The following DIAPH2 variants were observed in gnomAD, a reference collection of about 807,000 sequenced individuals.
DIAPH2 encodes the protein diaphanous related formin 2, also known as protein diaphanous homolog 2.
Under a neutral mutation model 92.7 loss-of-function variants are expected in DIAPH2, and 35 were observed. The observed-to-expected ratio is 0.38, with a 90% CI of 0.29 to 0.50. The LOEUF is 0.50. DIAPH2 is among the 20% of genes least tolerant of loss of function. The pLI, the probability that DIAPH2 is intolerant of heterozygous loss-of-function variation, is 0.94. For missense variants in DIAPH2, 701 were observed against 819.5 expected (o/e 0.86, Z 1.77); for synonymous variants, 301 against 280.4 (o/e 1.07, Z -0.73).
intron 17 of DIAPH2, among the ~76,000 whole-genome samples, chrX:96,981,599 CTACCCTA>C (rs1447386493): frequency 8.9e-6 from 1 of 111,819 alleles, no homozygotes; most frequent in Non-Finnish European, 1.9e-5. Flanking sequence ...ATTTTGTTTT[CTACCCTA>C]TACAGTAGGT....
intron 1 of DIAPH2, among the ~76,000 whole-genome samples, chrX:96,692,659 T>A (rs773740769): frequency 8.9e-6 from 1 of 112,444 alleles, no homozygotes; most frequent in Non-Finnish European, 1.9e-5. Context: ...GTTTTGGCTT[T>A]ACTCACTGGT....
chrX:97,467,734 G>A (rs1241899608), intron 26 of DIAPH2, among the ~76,000 whole-genome samples: 2 of 112,079 alleles, frequency 1.8e-5, no homozygotes, highest in African/African-American at 6.5e-5. Context: ...TCATATACCA[G>A]AATTTAACAC....
chrX:96,871,338 C>T (rs1424172501), intron 4 of DIAPH2, among the ~76,000 whole-genome samples: 4 of 108,863 alleles, frequency 3.7e-5, no homozygotes, highest in Non-Finnish European at 7.6e-5. Context: ...GGCGTGGTGG[C>T]GGGTGCCTGT....
At chrX:96,970,731 C>T (rs2065922910) in intron 17 of DIAPH2, among the ~76,000 whole-genome samples, 1 of 110,956 alleles carries the variant, frequency 9.0e-6, no homozygotes, top group Admixed American at 9.6e-5. Context: ...TTTTGGGTAT[C>T]AATGTCATTC....
In DIAPH2 at chrX:96,697,216, G is replaced by A. The variant is rs182685200; in HGVS notation, c.132+12026G>A. Among the ~76,000 whole-genome samples, 10 of 109,867 alleles carry A rather than the reference G, an allele frequency of 9.1e-5. No individual in the cohort carries two copies. In the East Asian group the frequency reaches 2.6e-3, roughly 29 times the overall value. ...GCAAGAATGGGCAGGGGATGCTCAG[G>A]GATTCATGGCAGATTGCCTCCTTCA... On this transcript the variant is annotated intron_variant, in intron 1 of 26. Transcript: ENST00000324765.
At chrX:96,881,928 A>G (rs1249464645) in intron 5 of DIAPH2, among the ~76,000 whole-genome samples, 1 of 112,108 alleles carries the variant, frequency 8.9e-6, no homozygotes, top group Non-Finnish European at 1.9e-5. Flanking sequence ...TTTTAAGAAT[A>G]CAAATGTTAA....
intron 23 of DIAPH2, among the ~76,000 whole-genome samples, chrX:97,323,193 A>G (rs1222724635): frequency 9.4e-6 from 1 of 106,121 alleles, no homozygotes; most frequent in Admixed American, 1.0e-4. Flanking sequence ...GGCATGAGCC[A>G]CCGCACCCAG....
At chrX:97,209,468 C>T (rs2067822566) in intron 22 of DIAPH2, among the ~76,000 whole-genome samples, 1 of 111,366 alleles carries the variant, frequency 9.0e-6, no homozygotes, top group South Asian at 3.8e-4. Context: ...TTTGTTATAA[C>T]TTAAATTCCT....
At position 97,148,647 on chromosome X, in the gene DIAPH2, T is replaced by C. The variant is rs756612313; in HGVS notation, c.2719+6853T>C. On this transcript the variant is annotated intron_variant, in intron 22 of 26. Transcript: ENST00000324765. Reference sequence around the variant, plus strand: ...ACCTGATATTGGAAGCTAAACAGGGTCCTGCCTGGTCAGTTCTTGGAAGGG... The same window carrying C: ...ACCTGATATTGGAAGCTAAACAGGGCCCTGCCTGGTCAGTTCTTGGAAGGG... Among the ~76,000 whole-genome samples the C allele has an allele frequency of 1.4e-4, 16 of 111,204 alleles. 1 individual carries two copies. The highest frequency in any genetic ancestry group is 4.0e-4 in the South Asian group (1 of 2,481).
chrX:97,155,760 A>G (rs868788170), intron 22 of DIAPH2, among the ~76,000 whole-genome samples: 2 of 111,765 alleles, frequency 1.8e-5, no homozygotes, highest in African/African-American at 3.3e-5. Flanking sequence ...GCGTCTCACC[A>G]TACTTCTTGG....
chrX:97,388,205 C>T (rs921770381), intron 25 of DIAPH2, among the ~76,000 whole-genome samples: 1 of 111,648 alleles, frequency 9.0e-6, no homozygotes, highest in Non-Finnish European at 1.9e-5. Context: ...CTGTGTCAGA[C>T]CTCTCTCCTA....
intron 25 of DIAPH2, among the ~76,000 whole-genome samples, chrX:97,407,077 C>A (rs1012105238): frequency 7.2e-5 from 8 of 111,117 alleles, no homozygotes; most frequent in Non-Finnish European, 1.3e-4. Context: ...GCAGTTTCTC[C>A]CTTTATGACA....
chrX:96,867,662 A>G (rs1373879029), intron 4 of DIAPH2, among the ~76,000 whole-genome samples: 1 of 112,054 alleles, frequency 8.9e-6, no homozygotes, highest in East Asian at 2.8e-4. Flanking sequence ...CTATACATGC[A>G]TCACTGCTAT....
chrX:97,111,157 AG>A (rs2066977872), intron 20 of DIAPH2, among the ~76,000 whole-genome samples: 1 of 112,420 alleles, frequency 8.9e-6, no homozygotes, highest in African/African-American at 3.2e-5. Context: ...AGCCTAAAAA[AG>A]AAGAAAGTAA....
chrX:97,352,414 G>C, intron 24 of DIAPH2, among the ~76,000 whole-genome samples: 1 of 111,146 alleles, frequency 9.0e-6, no homozygotes, highest in Non-Finnish European at 1.9e-5. Context: ...ACTTCTATTA[G>C]TTAATATTCC....
chrX:97,360,503 A>T (rs946125223), intron 24 of DIAPH2, among the ~76,000 whole-genome samples: 2 of 110,373 alleles, frequency 1.8e-5, no homozygotes, highest in Admixed American at 9.7e-5. Flanking sequence ...GGGCGCCTAT[A>T]ATCCCAGCTA....
At chrX:96,992,593 C>T (rs2092511978) in intron 17 of DIAPH2, among the ~76,000 whole-genome samples, 1 of 111,866 alleles carries the variant, frequency 8.9e-6, no homozygotes, top group Non-Finnish European at 1.9e-5. Flanking sequence ...AATGACCTGC[C>T]CATTCTCTCC....
At chrX:96,969,673 G>A (rs756710504) in intron 17 of DIAPH2, among the ~76,000 whole-genome samples, 6 of 111,179 alleles carry the variant, frequency 5.4e-5, no homozygotes, top group African/African-American at 1.3e-4. Flanking sequence ...GGATCATATC[G>A]TCTGTGAGGA....
chrX:97,384,238 A>G (rs775243690), intron 25 of DIAPH2, among the ~76,000 whole-genome samples, 194 bp downstream of exon 25: 3 of 111,783 alleles, frequency 2.7e-5, no homozygotes, highest in Non-Finnish European at 3.8e-5. Flanking sequence ...TTGATAACCA[A>G]TGCAAGATGA....
Sources: gnomAD v4.1 joint callset for allele counts (sites outside exome capture counted in the v4.1 genomes callset) on GRCh38, gnomAD v4.1.1 for gene constraint, MANE v1.5 for transcripts, NCBI Gene and HGNC (gene_info 2026-07-23, HGNC 2026-07-21) for gene names.